Variants in TRIM44 observed in about 807,000 individuals in gnomAD.
TRIM44 encodes tripartite motif containing 44.
TRIM44 carries 13 observed loss-of-function variants against 37.4 expected under a neutral mutation model. The ratio of observed to expected loss-of-function variants is 0.35; its 90% confidence interval spans 0.23 to 0.55. The LOEUF is 0.55. TRIM44 is among the 20% of genes least tolerant of loss of function. The probability of loss-of-function intolerance (pLI) is 0.89; values close to 1 mark genes in which losing one functional copy is unlikely to be tolerated. For missense variants in TRIM44, 426 were observed against 437.2 expected, an observed-to-expected ratio of 0.97 and a Z score of 0.23; for synonymous variants, 175 against 157.2, an observed-to-expected ratio of 1.11 and a Z score of -0.85.
intron 4 of TRIM44, among the ~76,000 whole-genome samples, chr11:35,741,272 A>G (rs752489768): frequency 1.3e-5 from 2 of 152,254 alleles, no homozygotes; most frequent in South Asian, 2.1e-4. Flanking sequence ...TTATTTTTCC[A>G]TGCTAAGGAT....
intron 4 of TRIM44, among the ~76,000 whole-genome samples, chr11:35,753,130 T>A (rs969705627): frequency 3.9e-5 from 6 of 152,234 alleles, no homozygotes; most frequent in African/African-American, 1.4e-4. Flanking sequence ...TTTGTGTAGG[T>A]CATTTGCCTT....
chr11:35,705,650 T>C (rs1361445504), intron 2 of TRIM44, among the ~76,000 whole-genome samples: 1 of 148,848 alleles, frequency 6.7e-6, no homozygotes, highest in Non-Finnish European at 1.5e-5. Flanking sequence ...AACAACCTGC[T>C]CCTGAATGAC....
chr11:35,702,832 A>C (rs141595814), intron 2 of TRIM44, among the ~76,000 whole-genome samples: 1 of 152,376 alleles, frequency 6.6e-6, no homozygotes, highest in African/African-American at 2.4e-5. Flanking sequence ...TGAGCAACGC[A>C]GAAGACGGGT....
At position 35,812,453 on chromosome 11, in the gene TRIM44, T is replaced by A. The variant is rs1160316857; in HGVS notation, c.*6068T>A. On this transcript the variant is annotated 3_prime_UTR_variant, in exon 5 of 5. Transcript: ENST00000299413. ...ATAAGAGCTGTCACTTAGCTCTTTC[T>A]CTGGGCCAGGTACTCTCCTGTTGTT... The A allele has an allele frequency of 1.3e-5, 2 of 152,226 alleles. No homozygotes were observed. The highest frequency in any genetic ancestry group is 2.9e-5 in the Non-Finnish European group (2 of 68,036). The allele number at this position is 152,226 out of a possible 1,614,324, so 9.4% of individuals were successfully genotyped here. A position where few individuals can be genotyped will look rare whatever the true frequency, so the allele number is the denominator to read the frequency against.
At chr11:35,802,726 G>A (rs1314820713) in intron 4 of TRIM44, among the ~76,000 whole-genome samples, 1 of 152,088 alleles carries the variant, frequency 6.6e-6, no homozygotes, top group East Asian at 1.9e-4. Context: ...CCCAGTGTTT[G>A]GCAGGCATGA....
intron 4 of TRIM44, among the ~76,000 whole-genome samples, chr11:35,782,869 T>G (rs1853083918): frequency 6.6e-6 from 1 of 152,226 alleles, no homozygotes; most frequent in African/African-American, 2.4e-5. Context: ...CAGTAGTATC[T>G]GCCAAATATA....
At chr11:35,777,825 A>C (rs952338374) in intron 4 of TRIM44, among the ~76,000 whole-genome samples, 1 of 152,162 alleles carries the variant, frequency 6.6e-6, no homozygotes. Flanking sequence ...CCAGAGATCC[A>C]CTGTTAGTCT....
chr11:35,737,047 G>T (rs539914539), intron 4 of TRIM44, among the ~76,000 whole-genome samples: 1 of 152,270 alleles, frequency 6.6e-6, no homozygotes, highest in Non-Finnish European at 1.5e-5. Context: ...ATAAGTTTAG[G>T]CTACTTTAGG....
intron 4 of TRIM44, among the ~76,000 whole-genome samples, chr11:35,769,721 C>T (rs542365721): frequency 1.3e-5 from 2 of 152,224 alleles, no homozygotes; most frequent in East Asian, 1.9e-4. Flanking sequence ...CTGCCAAATA[C>T]CTGGTAACTC....
At chr11:35,751,442 C>T (rs1158148042) in intron 4 of TRIM44, among the ~76,000 whole-genome samples, 1 of 152,130 alleles carries the variant, frequency 6.6e-6, no homozygotes, top group Admixed American at 6.5e-5. Flanking sequence ...GGATTATACA[C>T]TAGGATCACA....
intron 3 of TRIM44, among the ~76,000 whole-genome samples, chr11:35,729,330 G>C (rs149577442): frequency 1.1e-4 from 16 of 152,178 alleles, no homozygotes; most frequent in African/African-American, 3.9e-4. Context: ...TTTCTCTATG[G>C]AGCCTGTGGG....
chr11:35,779,573 T>G (rs1853031558), intron 4 of TRIM44, among the ~76,000 whole-genome samples: 1 of 152,132 alleles, frequency 6.6e-6, no homozygotes, highest in Non-Finnish European at 1.5e-5. Flanking sequence ...TCCCCTCCTC[T>G]CCCATCTTAT....
intron 4 of TRIM44, among the ~76,000 whole-genome samples, chr11:35,789,073 A>G (rs1285837698): frequency 1.3e-5 from 2 of 152,184 alleles, no homozygotes; most frequent in South Asian, 2.1e-4. Context: ...GAATTCTCTC[A>G]TCTTTTCCCC....
chr11:35,667,870 A>G (rs1851349497), intron 1 of TRIM44, among the ~76,000 whole-genome samples: 1 of 152,136 alleles, frequency 6.6e-6, no homozygotes, highest in Non-Finnish European at 1.5e-5. Flanking sequence ...CTTATTAATA[A>G]TTTATGTAGT....
At chr11:35,725,694 G>T (rs1393216711) in intron 2 of TRIM44, among the ~76,000 whole-genome samples, 1 of 151,720 alleles carries the variant, frequency 6.6e-6, no homozygotes, top group African/African-American at 2.4e-5. Context: ...GAACAAAACC[G>T]AAAGGAAAAA....
chr11:35,663,430 TCAGAGGAAGAGAGCGAGA>T lies in TRIM44; in HGVS notation c.333_350del (p.Thr113_Glu118del), dbSNP rs1407966062. On this transcript the variant is annotated inframe_deletion, in exon 1 of 5. Transcript: ENST00000299413. ...GAGTGAGTCGGAGGAAGAGAGCGAG[TCAGAGGAAGAGAGCGAGA>T]CAGAGGAAGAGAGTGAGGATGAGAG... 4.5e-6 allele frequency: 7 copies of T among 1,565,236 alleles called. No individual in the cohort carries two copies. Among genetic ancestry groups the T allele is most frequent in the Non-Finnish European group, 6.1e-6 (7 of 1,153,424 alleles).
intron 1 of TRIM44, among the ~76,000 whole-genome samples, chr11:35,679,742 A>T (rs1449536833): frequency 2.0e-5 from 3 of 152,222 alleles, no homozygotes; most frequent in Admixed American, 2.0e-4. Flanking sequence ...CAACTAACTT[A>T]AAACTCTTAG....
chr11:35,665,272 G>A (rs1048167064), intron 1 of TRIM44, among the ~76,000 whole-genome samples: 1 of 151,762 alleles, frequency 6.6e-6, no homozygotes, highest in Non-Finnish European at 1.5e-5. Context: ...CTGTGTCAGA[G>A]GCTATGCATA....
intron 4 of TRIM44, among the ~76,000 whole-genome samples, chr11:35,776,639 A>G (rs1202830981): frequency 6.6e-6 from 1 of 152,204 alleles, no homozygotes; most frequent in South Asian, 2.1e-4. Context: ...AATGTGTCCC[A>G]GAGATTCTGG....
Sources: allele counts gnomAD v4.1 joint callset (sites outside exome capture counted in the v4.1 genomes callset), GRCh38; gene constraint gnomAD v4.1.1; transcripts MANE v1.5; gene names NCBI Gene and HGNC (gene_info 2026-07-23, HGNC 2026-07-21).